SDK1: variants seen among roughly 807,000 people sequenced by gnomAD.
SDK1 encodes sidekick cell adhesion molecule 1.
SDK1 carries 157 observed loss-of-function variants against 245.5 expected under a neutral mutation model. The observed-to-expected ratio is 0.64, with a 90% CI of 0.56 to 0.73. The LOEUF (loss-of-function observed/expected upper bound fraction) is 0.73, where lower values mean the gene tolerates loss of function less well. Among genes scored for constraint, SDK1 ranks in the 30% least tolerant of loss-of-function variants. The pLI is 0.00. For missense variants in SDK1, 3,583 were observed against 3,002.3 expected (o/e 1.19, Z -4.52); for synonymous variants, 1,647 against 1,278.5 (o/e 1.29, Z -6.15).
intron 4 of SDK1, among the ~76,000 whole-genome samples, chr7:3,800,247 G>C (rs905778042): frequency 6.6e-6 from 1 of 152,150 alleles, no homozygotes; most frequent in African/African-American, 2.4e-5. Context: ...TTCTTAGCCA[G>C]CTGGCACTGG....
intron 5 of SDK1, among the ~76,000 whole-genome samples, chr7:3,910,178 G>A (rs963205002): frequency 1.3e-5 from 2 of 152,186 alleles, no homozygotes; most frequent in African/African-American, 2.4e-5. Context: ...AATGTGCAGC[G>A]CTTGGTGCCT....
chr7:4,114,011 C>T lies in SDK1; in HGVS notation c.3586-26C>T, dbSNP rs1338450720. On this transcript the variant is annotated intron_variant, in intron 24 of 44. Coordinates refer to ENST00000404826, the MANE Select transcript of SDK1 (RefSeq NM_152744.4). ...GGGTGGCAGTTCTGAGATGTCAGCT[C>T]ATCGCGACTCCTCGTTCCTTCCTAG... The T allele has an allele frequency of 2.5e-6, 4 of 1,595,118 alleles. No homozygotes were observed. In the Admixed American group the frequency reaches 6.7e-5, roughly 27 times the overall value.
chr7:3,483,513 AATC>A (rs1401336407), intron 1 of SDK1, among the ~76,000 whole-genome samples: 1 of 152,150 alleles, frequency 6.6e-6, no homozygotes, highest in African/African-American at 2.4e-5. Context: ...AAATTGTGAT[AATC>A]ATTTCCTTGT....
chr7:3,712,718 T>C (rs1785083769), intron 4 of SDK1, among the ~76,000 whole-genome samples: 1 of 152,170 alleles, frequency 6.6e-6, no homozygotes, highest in Non-Finnish European at 1.5e-5. Flanking sequence ...GTAGTTACCT[T>C]GTTAGAGAAA....
intron 17 of SDK1, among the ~76,000 whole-genome samples, chr7:4,047,526 G>A (rs183974139): frequency 2.0e-5 from 3 of 152,280 alleles, no homozygotes; most frequent in African/African-American, 7.2e-5. Flanking sequence ...TTCCTCAAAT[G>A]CTTGGTGGAA....
At chr7:4,034,401 G>A (rs1017902221) in intron 17 of SDK1, among the ~76,000 whole-genome samples, 1 of 152,176 alleles carries the variant, frequency 6.6e-6, no homozygotes, top group African/African-American at 2.4e-5. Context: ...TGGTTACCTG[G>A]TGAGTGTTCT....
At chr7:3,894,604 C>G (rs968523092) in intron 5 of SDK1, among the ~76,000 whole-genome samples, 4 of 152,048 alleles carry the variant, frequency 2.6e-5, no homozygotes, top group African/African-American at 4.8e-5. Flanking sequence ...TCCTGGAGAG[C>G]TACAACATCA....
Position 3,933,025 on chromosome 7 carries a change from T to C in SDK1, c.848-17898T>C, listed in dbSNP as rs552917779. On this transcript the variant is annotated intron_variant, in intron 5 of 44. Coordinates refer to ENST00000404826, the MANE Select transcript of SDK1 (RefSeq NM_152744.4). ...CTGGGGGCAGCTGGTGCCACCGTGC[T>C]GGTAGACGACACAGCCCAGCCAAAG... Among the ~76,000 whole-genome samples the C allele has an allele frequency of 1.6e-4, 24 of 151,798 alleles. No individual in the cohort carries two copies. The East Asian group carries it at 3.7e-3, about 23-fold the overall frequency.
intron 1 of SDK1, among the ~76,000 whole-genome samples, chr7:3,415,123 A>G (rs1196947973): frequency 6.6e-6 from 1 of 152,112 alleles, no homozygotes; most frequent in African/African-American, 2.4e-5. Context: ...CTTGATTTTT[A>G]TCTTTTGAGG....
chr7:3,695,760 C>G (rs927763443), intron 4 of SDK1, among the ~76,000 whole-genome samples: 1 of 152,122 alleles, frequency 6.6e-6, no homozygotes, highest in Non-Finnish European at 1.5e-5. Flanking sequence ...CATAAATCTT[C>G]AGAAGTAAAC....
intron 4 of SDK1, among the ~76,000 whole-genome samples, chr7:3,749,779 C>G (rs1779725184): frequency 1.3e-5 from 2 of 152,100 alleles, no homozygotes; most frequent in Non-Finnish European, 2.9e-5. Flanking sequence ...CTCCTGTATT[C>G]TAATGGTAGT....
In SDK1 at chr7:3,371,431, A is replaced by T. The variant is rs563586526; in HGVS notation, c.298+69547A>T. On this transcript the variant is annotated intron_variant, in intron 1 of 44. Transcript: ENST00000404826. ...TGGTTACATGTGAAACACAGGTAAC[A>T]AATTTAGGATAAATCTGGTATCTTA... 5.3e-5 allele frequency among the ~76,000 whole-genome samples: 8 copies of T among 152,324 alleles called. No homozygotes were observed. The South Asian group carries it at 1.4e-3, about 28-fold the overall frequency.
At chr7:3,357,328 G>GGTTTTT (rs1780827489) in intron 1 of SDK1, among the ~76,000 whole-genome samples, 1 of 52,904 alleles carries the variant, frequency 1.9e-5, no homozygotes, top group Non-Finnish European at 3.5e-5. Context: ...TTCTTTTAGT[G>GGTTTTT]TTTTTTTTTT....
chr7:4,037,089 A>AGATTCTTGCAAAACTCTTTGGCTGT (rs1788277165), intron 17 of SDK1, among the ~76,000 whole-genome samples: 3 of 152,220 alleles, frequency 2.0e-5, no homozygotes, highest in Admixed American at 2.0e-4. Flanking sequence ...CATTGTTCAT[A>AGATTCTTGCAAAACTCTTTGGCTGT]GATTCTTGCA....
intron 7 of SDK1, among the ~76,000 whole-genome samples, chr7:3,953,723 T>G (rs1781013744): frequency 6.6e-6 from 1 of 152,246 alleles, no homozygotes; most frequent in African/African-American, 2.4e-5. Context: ...GAGCTTTAGT[T>G]TTACATTTAT....
intron 1 of SDK1, among the ~76,000 whole-genome samples, chr7:3,567,488 T>C (rs1416947939): frequency 6.6e-6 from 1 of 152,206 alleles, no homozygotes; most frequent in Non-Finnish European, 1.5e-5. Context: ...TTAGACTAAG[T>C]GGTCAAAAAT....
At chr7:3,490,048 A>G (rs1368672084) in intron 1 of SDK1, among the ~76,000 whole-genome samples, 4 of 152,206 alleles carry the variant, frequency 2.6e-5, no homozygotes. Context: ...GAAATGATCT[A>G]CTGTCACTTG....
intron 36 of SDK1, among the ~76,000 whole-genome samples, chr7:4,206,987 T>C (rs1195920987): frequency 6.6e-6 from 1 of 152,254 alleles, no homozygotes; most frequent in Non-Finnish European, 1.5e-5. Context: ...TATTTATGTA[T>C]GTCCAAAATA....
chr7:3,348,794 G>A (rs1231693547), intron 1 of SDK1, among the ~76,000 whole-genome samples: 1 of 152,186 alleles, frequency 6.6e-6, no homozygotes, highest in Admixed American at 6.5e-5. Flanking sequence ...AATAAAAAGT[G>A]CCAAGTACTA....
Sources: gnomAD v4.1 joint callset for allele counts (sites outside exome capture counted in the v4.1 genomes callset) on GRCh38, gnomAD v4.1.1 for gene constraint, MANE v1.5 for transcripts, NCBI Gene and HGNC (gene_info 2026-07-23, HGNC 2026-07-21) for gene names.